Variants in SH3GL2 observed in about 807,000 individuals in gnomAD.
SH3GL2 encodes the protein endophilin-A1.
A neutral mutation model predicts 46.0 loss-of-function variants in SH3GL2; 24 were observed. The observed-to-expected ratio is 0.52, with a 90% CI of 0.38 to 0.73. The LOEUF is 0.73. Ranked by LOEUF, SH3GL2 falls within the 30% of genes least tolerant of loss-of-function variation. The probability of loss-of-function intolerance (pLI) is 0.00; values close to 1 mark genes in which losing one functional copy is unlikely to be tolerated. For missense variants in SH3GL2, 413 were observed against 424.2 expected, an observed-to-expected ratio of 0.97 and a Z score of 0.23; for synonymous variants, 196 against 147.1, an observed-to-expected ratio of 1.33 and a Z score of -2.40.
chr9:17,629,735 G>C (rs996761156), intron 1 of SH3GL2, among the ~76,000 whole-genome samples: 19 of 152,072 alleles, frequency 1.2e-4, no homozygotes, highest in African/African-American at 4.3e-4. Flanking sequence ...TTTGTTTCCT[G>C]TTTATCCAGG....
chr9:17,710,714 G>T (rs1821597934), intron 1 of SH3GL2, among the ~76,000 whole-genome samples: 1 of 151,800 alleles, frequency 6.6e-6, no homozygotes. Context: ...CCTTAACAAG[G>T]GATAAAATTT....
At chr9:17,765,414 T>A (rs1174554948) in intron 3 of SH3GL2, among the ~76,000 whole-genome samples, 1 of 152,216 alleles carries the variant, frequency 6.6e-6, no homozygotes, top group Non-Finnish European at 1.5e-5. Flanking sequence ...CAGTTCCTAT[T>A]GAAGTGATGA....
chr9:17,656,080 G>A (rs752507168), intron 1 of SH3GL2, among the ~76,000 whole-genome samples: 6 of 152,076 alleles, frequency 3.9e-5, no homozygotes, highest in Non-Finnish European at 8.8e-5. Flanking sequence ...TCTTAGACTG[G>A]CTTAGATTGG....
At chr9:17,660,233 A>G (rs1294808107) in intron 1 of SH3GL2, among the ~76,000 whole-genome samples, 2 of 152,202 alleles carry the variant, frequency 1.3e-5, no homozygotes, top group Non-Finnish European at 2.9e-5. Context: ...CTTAAGCATC[A>G]GATGATTCCA....
At chr9:17,614,788 T>TAAC in intron 1 of SH3GL2, among the ~76,000 whole-genome samples, 1 of 152,052 alleles carries the variant, frequency 6.6e-6, no homozygotes, top group African/African-American at 2.4e-5. Flanking sequence ...CCAAGTGAAG[T>TAAC]TTGTCTTTGC....
At chr9:17,685,194 A>G (rs1820871926) in intron 1 of SH3GL2, among the ~76,000 whole-genome samples, 3 of 152,104 alleles carry the variant, frequency 2.0e-5, no homozygotes, top group Admixed American at 2.0e-4. Flanking sequence ...ATTTATTTCA[A>G]GGAATTGGAT....
intron 1 of SH3GL2, among the ~76,000 whole-genome samples, chr9:17,614,996 A>C (rs929672902): frequency 2.6e-5 from 4 of 152,302 alleles, no homozygotes; most frequent in African/African-American, 9.6e-5. Context: ...CCCAGATGCC[A>C]ATGACACCCT....
intron 1 of SH3GL2, among the ~76,000 whole-genome samples, chr9:17,604,773 C>T (rs772755302): frequency 3.3e-5 from 5 of 152,068 alleles, no homozygotes; most frequent in Non-Finnish European, 7.4e-5. Context: ...TCTTCAAGGG[C>T]GGTGCTGAGA....
intron 1 of SH3GL2, chr9:17,589,484 C>T (rs1818441776): frequency 6.6e-6 from 1 of 152,034 alleles, no homozygotes; most frequent in African/African-American, 2.4e-5. Context: ...TAAGTACTTG[C>T]TGAGCAGTAC....
At chr9:17,589,361 T>C (rs1818438805) in intron 1 of SH3GL2, 1 of 152,210 alleles carries the variant, frequency 6.6e-6, no homozygotes, top group African/African-American at 2.4e-5. Context: ...TTTTATTTTA[T>C]AGATTTTTTT....
At chr9:17,730,587 G>T (rs1190810952) in intron 1 of SH3GL2, among the ~76,000 whole-genome samples, 1 of 152,014 alleles carries the variant, frequency 6.6e-6, no homozygotes, top group African/African-American at 2.4e-5. Context: ...TATGATATTG[G>T]CTGTGGGTTT....
chr9:17,595,280 CG>C (rs569399541), intron 1 of SH3GL2, among the ~76,000 whole-genome samples: 89 of 152,116 alleles, frequency 5.9e-4, no homozygotes, highest in Non-Finnish European at 7.1e-4. Flanking sequence ...CAAGAAGACG[CG>C]AACACTTTAG....
At chr9:17,737,655 T>G (rs1822380357) in intron 1 of SH3GL2, among the ~76,000 whole-genome samples, 1 of 152,150 alleles carries the variant, frequency 6.6e-6, no homozygotes, top group African/African-American at 2.4e-5. Context: ...GACCTCTTTC[T>G]TTCCTGATTA....
rs145454891 is a variant in SH3GL2, at chr9:17,731,921, A to T, written c.46-15145A>T. On this transcript the variant is annotated intron_variant, in intron 1 of 8. Transcript: ENST00000380607. Reference sequence around the variant, plus strand: ...CCTCAGTGCCGGACATACAAAAGACATTCAGTGACTATTTTTAAATGAACA... The same window carrying T: ...CCTCAGTGCCGGACATACAAAAGACTTTCAGTGACTATTTTTAAATGAACA... Among the ~76,000 whole-genome samples the T allele has an allele frequency of 3.7e-3, 567 of 152,268 alleles. 2 individuals are homozygous for T. The highest frequency in any genetic ancestry group is 0.013 in the African/African-American group (549 of 41,578).
chr9:17,645,303 G>C (rs958708205), intron 1 of SH3GL2, among the ~76,000 whole-genome samples: 21 of 151,548 alleles, frequency 1.4e-4, no homozygotes, highest in Non-Finnish European at 2.5e-4. Flanking sequence ...ACAACACACC[G>C]ATGGGTCTTG....
chr9:17,716,113 A>G (rs1351823250), intron 1 of SH3GL2, among the ~76,000 whole-genome samples: 1 of 152,134 alleles, frequency 6.6e-6, no homozygotes, highest in East Asian at 1.9e-4. Flanking sequence ...TTTTGAACAA[A>G]TGGAAAGTAA....
Position 17,795,837 on chromosome 9 carries a change from G to C in SH3GL2, c.*94G>C. On this transcript the variant is annotated 3_prime_UTR_variant, in exon 9 of 9. Transcript: ENST00000380607. ...CTGCTTATAACACATCCCAAGTGCA[G>C]GCCGCAGTGGTCCACGTCATCCAGC... The C allele has an allele frequency of 3.0e-6, 3 of 998,206 alleles. No individual in the cohort carries two copies. The highest frequency in any genetic ancestry group is 4.5e-6 in the Non-Finnish European group (3 of 664,808). 61.8% of individuals were successfully genotyped at this position (998,206 alleles called of 1,614,324 possible).
At chr9:17,785,879 T>C (rs897027435) in intron 3 of SH3GL2, among the ~76,000 whole-genome samples, 3 of 152,212 alleles carry the variant, frequency 2.0e-5, no homozygotes, top group Non-Finnish European at 4.4e-5. Flanking sequence ...AAAATAGTTC[T>C]GTTTCATACA....
In SH3GL2 at chr9:17,622,986, GTTTCC is replaced by G. The variant is rs1210987554; in HGVS notation, c.45+43752_45+43756del. On this transcript the variant is annotated intron_variant, in intron 1 of 8. Coordinates refer to ENST00000380607, the MANE Select transcript of SH3GL2 (RefSeq NM_003026.5). ...CTCCCTTTTCCTTTCGTTTCCTTTC[GTTTCC>G]TTTCCTTTCCTTTCCTTTCCTTTCC... Among the ~76,000 whole-genome samples, 578 of 99,000 alleles carry G rather than the reference GTTTCC, an allele frequency of 5.8e-3. 6 individuals are homozygous for G. Among genetic ancestry groups the G allele is most frequent in the East Asian group, 0.014 (51 of 3,650 alleles). The allele number at this position is 99,000 out of a possible 152,430, so 64.9% of individuals were successfully genotyped here. A position where few individuals can be genotyped will look rare whatever the true frequency, so the allele number is the denominator to read the frequency against.
Sources: allele counts gnomAD v4.1 joint callset (sites outside exome capture counted in the v4.1 genomes callset), GRCh38; gene constraint gnomAD v4.1.1; transcripts MANE v1.5; gene names NCBI Gene and HGNC (gene_info 2026-07-23, HGNC 2026-07-21).